The following SPEF2 variants were observed in gnomAD, a reference collection of about 807,000 sequenced individuals.
SPEF2 encodes sperm flagellar and cilia associated 2.
In SPEF2, 187 loss-of-function variants were observed where a neutral mutation model predicts 224.6. The observed-to-expected ratio is 0.83, with a 90% CI of 0.74 to 0.94. The LOEUF (loss-of-function observed/expected upper bound fraction) is 0.94. Among genes scored for constraint, SPEF2 ranks in the 40% least tolerant of loss-of-function variants. The pLI, the probability that SPEF2 is intolerant of heterozygous loss-of-function variation, is 0.00. For synonymous variants in SPEF2, 715 were observed against 707.3 expected (o/e 1.01, Z -0.17); for missense variants, 2,170 against 2,135.6 (o/e 1.02, Z -0.32).
intron 3 of SPEF2, among the ~76,000 whole-genome samples, chr5:35,641,993 G>A (rs1029065828): frequency 3.3e-5 from 5 of 152,000 alleles, no homozygotes; most frequent in African/African-American, 1.2e-4. Context: ...TCAAACTCCT[G>A]AGCTCAAGCA....
At chr5:35,760,623 A>T (rs1751147339) in intron 25 of SPEF2, among the ~76,000 whole-genome samples, 1 of 152,140 alleles carries the variant, frequency 6.6e-6, no homozygotes, top group African/African-American at 2.4e-5. Context: ...TAGAAGAAAA[A>T]TTTTATTTTC....
intron 18 of SPEF2, among the ~76,000 whole-genome samples, chr5:35,708,329 C>T (rs555908871): frequency 6.6e-6 from 1 of 152,154 alleles, no homozygotes; most frequent in South Asian, 2.1e-4. Context: ...CACCCCACCT[C>T]TTGTATTACA....
At chr5:35,680,962 G>GT (rs1752714626) in intron 10 of SPEF2, among the ~76,000 whole-genome samples, 1 of 152,152 alleles carries the variant, frequency 6.6e-6, no homozygotes. Context: ...ATGGAAACAT[G>GT]TAGACAGTGC....
chr5:35,659,048 C>T lies in SPEF2; in HGVS notation c.1008C>T (p.Asn336=). The T allele has an allele frequency of 6.3e-7, 1 of 1,581,568 alleles. No homozygotes were observed. Among genetic ancestry groups the T allele is most frequent in the South Asian group, 1.2e-5 (1 of 86,904 alleles). Residue 336 remains asparagine (N), a synonymous_variant, in exon 8 of 37, where the codon AAC becomes AAT. Transcript: ENST00000356031. ...CTTATCGGGAGGAACAGCTGATTAA[C>T]CGGCTGATGCGGCAGTCCCAGCAGG... ...EEAYREEQLI[N]RLMRQSQQER...
At chr5:35,767,637 G>A (rs538604174) in intron 26 of SPEF2, among the ~76,000 whole-genome samples, 2 of 151,980 alleles carry the variant, frequency 1.3e-5, no homozygotes, top group Non-Finnish European at 2.9e-5. Context: ...AAAATATTCA[G>A]GACAAGCAAT....
chr5:35,622,612 C>A (rs1402986462), intron 1 of SPEF2, among the ~76,000 whole-genome samples: 4 of 152,164 alleles, frequency 2.6e-5, no homozygotes, highest in Non-Finnish European at 5.9e-5. Flanking sequence ...CTTCTTTAAA[C>A]CCGGAGTCTA....
At chr5:35,740,090 T>C (rs1190131236) in intron 22 of SPEF2, 39 bp from the exon 23 acceptor site, 3 of 1,613,962 alleles carry the variant, frequency 1.9e-6, no homozygotes, top group African/African-American at 1.3e-5. Context: ...TTTAGAGGCA[T>C]GACATATAAA....
At chr5:35,698,950 CA>C (rs749661251) in intron 15 of SPEF2, 1 of 152,172 alleles carries the variant, frequency 6.6e-6, no homozygotes, top group African/African-American at 2.4e-5. Flanking sequence ...AATGAATCAA[CA>C]AATTTATTAT....
chr5:35,741,849 A>C (rs1032626825), intron 23 of SPEF2, among the ~76,000 whole-genome samples: 2 of 152,174 alleles, frequency 1.3e-5, no homozygotes, highest in Non-Finnish European at 2.9e-5. Context: ...CTACCTATTC[A>C]TAAAGCCAGC....
chr5:35,627,726 T>A (rs1744471551), intron 1 of SPEF2, among the ~76,000 whole-genome samples: 1 of 152,228 alleles, frequency 6.6e-6, no homozygotes, highest in Non-Finnish European at 1.5e-5. Flanking sequence ...AATAGCTCTC[T>A]GATATAAGAT....
intron 11 of SPEF2, among the ~76,000 whole-genome samples, chr5:35,692,261 A>G (rs1754623308): frequency 6.6e-6 from 1 of 151,984 alleles, no homozygotes; most frequent in Non-Finnish European, 1.5e-5. Flanking sequence ...AAATACAAAA[A>G]TTAGCTGGGT....
intron 34 of SPEF2, among the ~76,000 whole-genome samples, chr5:35,806,131 A>G (rs557151457): frequency 6.6e-6 from 1 of 152,310 alleles, no homozygotes; most frequent in South Asian, 2.1e-4. Flanking sequence ...AATCAAAACA[A>G]TTTACTCTTC....
chr5:35,806,038 A>T (rs772226637), intron 34 of SPEF2, among the ~76,000 whole-genome samples: 1 of 152,186 alleles, frequency 6.6e-6, no homozygotes, highest in Non-Finnish European at 1.5e-5. Context: ...TTTCTTCAGG[A>T]TCAATTCCTA....
intron 20 of SPEF2, among the ~76,000 whole-genome samples, chr5:35,717,601 G>A (rs1273585548): frequency 6.6e-6 from 1 of 152,058 alleles, no homozygotes; most frequent in Non-Finnish European, 1.5e-5. Flanking sequence ...GGGTTTTATT[G>A]GGTGAAAAGG....
At chr5:35,705,882 G>A in intron 18 of SPEF2, 74 bp downstream of exon 18, 1 of 983,332 alleles carries the variant, frequency 1.0e-6, no homozygotes, top group Non-Finnish European at 1.4e-6. Context: ...GGTAGGAAAT[G>A]AAGATGTGAT....
intron 1 of SPEF2, among the ~76,000 whole-genome samples, chr5:35,628,189 TA>T (rs200306694): frequency 0.027 from 4,072 of 152,012 alleles, 78 homozygotes; most frequent in South Asian, 0.066. Flanking sequence ...GGTAGCATTT[TA>T]AAAAAAAATT....
intron 2 of SPEF2, chr5:35,632,975 G>A (rs1745339551): frequency 6.6e-6 from 1 of 151,990 alleles, no homozygotes; most frequent in Admixed American, 6.6e-5. Context: ...AAGTTTTCTG[G>A]TAAAACCTAT....
chr5:35,757,049 T>TACTATTAAAAATATTGTTTTTAATA (rs71600985), intron 24 of SPEF2, among the ~76,000 whole-genome samples: 33,307 of 148,748 alleles, frequency 0.22, 4,773 homozygotes, highest in East Asian at 0.53. Context: ...AAATCTTGTT[T>TACTATTAAAAATATTGTTTTTAATA]ACTATTAAAA....
chr5:35,772,860 G>A (rs1369671983), intron 27 of SPEF2, among the ~76,000 whole-genome samples: 1 of 152,054 alleles, frequency 6.6e-6, no homozygotes, highest in African/African-American at 2.4e-5. Flanking sequence ...AACATATTAC[G>A]ATTTCTTTGT....
Sources: gnomAD v4.1 joint callset for allele counts (sites outside exome capture counted in the v4.1 genomes callset) on GRCh38, gnomAD v4.1.1 for gene constraint, MANE v1.5 for transcripts, NCBI Gene and HGNC (gene_info 2026-07-23, HGNC 2026-07-21) for gene names.